The following CACNA2D3 variants were observed in gnomAD, a reference collection of about 807,000 sequenced individuals.
The protein encoded by CACNA2D3 is calcium voltage-gated channel auxiliary subunit alpha2delta 3, also known as voltage-dependent calcium channel subunit alpha-2/delta-3.
CACNA2D3 carries 60 observed loss-of-function variants against 160.6 expected under a neutral mutation model. That is an observed-to-expected ratio of 0.37 (90% CI 0.30 to 0.46). The LOEUF is 0.46. Ranked by LOEUF, CACNA2D3 falls within the 20% of genes least tolerant of loss-of-function variation. The pLI is 1.00. For synonymous variants in CACNA2D3, 558 were observed against 492.9 expected (o/e 1.13, Z -1.75); for missense variants, 1,205 against 1,365.0 (o/e 0.88, Z 1.85).
intron 14 of CACNA2D3, among the ~76,000 whole-genome samples, chr3:54,829,839 CT>C (rs979474587): frequency 1.1e-4 from 17 of 150,120 alleles, no homozygotes; most frequent in African/African-American, 4.2e-4. Flanking sequence ...CTAAGCTCCC[CT>C]GTCACATTCT....
intron 35 of CACNA2D3, among the ~76,000 whole-genome samples, chr3:55,033,716 T>A (rs987460727): frequency 1.6e-5 from 2 of 127,910 alleles, no homozygotes; most frequent in African/African-American, 5.8e-5. Flanking sequence ...ATAATATATA[T>A]TATATATTAA....
chr3:54,262,606 T>TAA (rs55633175), intron 2 of CACNA2D3, among the ~76,000 whole-genome samples: 53 of 150,856 alleles, frequency 3.5e-4, no homozygotes, highest in African/African-American at 8.3e-4. Flanking sequence ...AATTTTGAAT[T>TAA]AAAAAAAAAA....
At chr3:54,649,656 A>T (rs993454190) in intron 11 of CACNA2D3, among the ~76,000 whole-genome samples, 1 of 152,148 alleles carries the variant, frequency 6.6e-6, no homozygotes. Context: ...ATGAGGAAGC[A>T]AGCTCTCTCA....
At chr3:54,215,473 G>C (rs540905449) in intron 2 of CACNA2D3, among the ~76,000 whole-genome samples, 1 of 152,280 alleles carries the variant, frequency 6.6e-6, no homozygotes, top group African/African-American at 2.4e-5. Context: ...TTTTGACTGC[G>C]TATCAGTCCC....
intron 11 of CACNA2D3, among the ~76,000 whole-genome samples, chr3:54,687,130 T>TTG (rs1559549398): frequency 2.0e-5 from 1 of 50,782 alleles, no homozygotes; most frequent in Non-Finnish European, 4.3e-5. Context: ...TCTTTTTTTT[T>TTG]TTTTGTTTTT....
chr3:54,202,628 T>G (rs1241778675), intron 2 of CACNA2D3, among the ~76,000 whole-genome samples: 1 of 152,228 alleles, frequency 6.6e-6, no homozygotes, highest in Non-Finnish European at 1.5e-5. Context: ...ATTATCCAGT[T>G]AATGCATGGA....
chr3:54,367,063 T>C (rs558961940), intron 3 of CACNA2D3, among the ~76,000 whole-genome samples: 138 of 152,338 alleles, frequency 9.1e-4, no homozygotes, highest in Non-Finnish European at 1.6e-3. Context: ...AAAGTGATTA[T>C]TGACTTCGAA....
intron 4 of CACNA2D3, among the ~76,000 whole-genome samples, chr3:54,491,584 G>T (rs1455203830): frequency 1.3e-5 from 2 of 152,142 alleles, no homozygotes; most frequent in Non-Finnish European, 2.9e-5. Context: ...CTGAGATTAT[G>T]TGCTCTCACC....
At chr3:54,466,093 C>G (rs1383301366) in intron 4 of CACNA2D3, among the ~76,000 whole-genome samples, 1 of 152,162 alleles carries the variant, frequency 6.6e-6, no homozygotes, top group Non-Finnish European at 1.5e-5. Flanking sequence ...CTGCCACCAG[C>G]CAGGGAAAAC....
intron 11 of CACNA2D3, among the ~76,000 whole-genome samples, chr3:54,689,484 A>G (rs963198241): frequency 1.3e-5 from 2 of 152,036 alleles, no homozygotes; most frequent in African/African-American, 4.8e-5. Context: ...GCCTCCCTGC[A>G]TCTCTGCCTG....
At chr3:54,931,376 T>C (rs1701187708) in intron 27 of CACNA2D3, among the ~76,000 whole-genome samples, 1 of 152,184 alleles carries the variant, frequency 6.6e-6, no homozygotes, top group Non-Finnish European at 1.5e-5. Flanking sequence ...GCTGATTGAT[T>C]TATTCCATCT....
chr3:54,599,567 C>T (rs975582709), intron 9 of CACNA2D3, among the ~76,000 whole-genome samples: 2 of 151,922 alleles, frequency 1.3e-5, no homozygotes, highest in African/African-American at 4.8e-5. Context: ...TTTTTCTTCC[C>T]GGTGCTTCAC....
At chr3:54,402,974 A>T (rs572790217) in intron 4 of CACNA2D3, among the ~76,000 whole-genome samples, 1 of 152,222 alleles carries the variant, frequency 6.6e-6, no homozygotes, top group African/African-American at 2.4e-5. Flanking sequence ...AACAATAGGA[A>T]GATTTTTGGA....
At chr3:54,734,313 C>A (rs1300800856) in intron 11 of CACNA2D3, among the ~76,000 whole-genome samples, 2 of 152,176 alleles carry the variant, frequency 1.3e-5, no homozygotes, top group South Asian at 2.1e-4. Flanking sequence ...TCAGGACATG[C>A]ATATCAGAAA....
At chr3:54,592,948 G>T (rs940776529) in intron 9 of CACNA2D3, among the ~76,000 whole-genome samples, 1 of 152,152 alleles carries the variant, frequency 6.6e-6, no homozygotes, top group African/African-American at 2.4e-5. Flanking sequence ...TGGCCTTATA[G>T]GTATAGAATG....
At chr3:54,893,398 T>G (rs1030374840) in intron 25 of CACNA2D3, among the ~76,000 whole-genome samples, 8 of 142,972 alleles carry the variant, frequency 5.6e-5, no homozygotes, top group Non-Finnish European at 1.1e-4. Context: ...ATTGACAATT[T>G]GAATGGATGA....
intron 9 of CACNA2D3, among the ~76,000 whole-genome samples, chr3:54,605,139 A>T (rs570667561): frequency 6.6e-6 from 1 of 152,078 alleles, no homozygotes; most frequent in Non-Finnish European, 1.5e-5. Flanking sequence ...CTGTGTGTCT[A>T]TCTTCACCTG....
chr3:54,821,711 T>TC (rs1306211764), intron 14 of CACNA2D3, among the ~76,000 whole-genome samples: 124 of 140,524 alleles, frequency 8.8e-4, no homozygotes, highest in Non-Finnish European at 1.6e-3. Context: ...CTTCCTTCCT[T>TC]CTTTCCTCTC....
chr3:54,992,128 A>G (rs1248096281), intron 31 of CACNA2D3, among the ~76,000 whole-genome samples: 2 of 152,086 alleles, frequency 1.3e-5, no homozygotes, highest in Admixed American at 6.6e-5. Flanking sequence ...AAGAAATCGT[A>G]TATTAAGTTG....
Sources: gnomAD v4.1 joint callset for allele counts (sites outside exome capture counted in the v4.1 genomes callset) on GRCh38, gnomAD v4.1.1 for gene constraint, MANE v1.5 for transcripts, NCBI Gene and HGNC (gene_info 2026-07-23, HGNC 2026-07-21) for gene names.